NWD2: variants seen among roughly 807,000 people sequenced by gnomAD.
NWD2 encodes the protein NACHT and WD repeat domain-containing protein 2.
In NWD2, 37 loss-of-function variants were observed where a neutral mutation model predicts 132.7. The observed-to-expected ratio is 0.28, with a 90% CI of 0.21 to 0.37. NWD2 has a LOEUF of 0.37. Among genes scored for constraint, NWD2 ranks in the 10% least tolerant of loss-of-function variants. The pLI is 1.00. For synonymous variants in NWD2, 705 were observed against 803.0 expected (o/e 0.88, Z 2.06); for missense variants, 1,592 against 2,122.4 (o/e 0.75, Z 4.91).
At chr4:37,363,699 A>G (rs1399439680) in intron 3 of NWD2, among the ~76,000 whole-genome samples, 1 of 152,198 alleles carries the variant, frequency 6.6e-6, no homozygotes, top group Non-Finnish European at 1.5e-5. Flanking sequence ...GTTGAAAACT[A>G]TTGGGTACTA....
chr4:37,356,402 T>C lies in NWD2; in HGVS notation c.277T>C (p.Trp93Arg). ...DLYWGVEEDE[W>R]DSPELQKTRM... ...GTACTGGGGAGTGGAAGAAGATGAGTGGGACAGCCCAGAGCTCCAGAAGAC... is the reference window on the plus strand; with the variant it reads ...GTACTGGGGAGTGGAAGAAGATGAGCGGGACAGCCCAGAGCTCCAGAAGAC... The change falls in exon 3 of 7, where the codon TGG becomes CGG. Residue 93 changes from tryptophan (W) to arginine (R), a missense_variant. Physicochemically the swap from Trp to Arg is moderately radical, Grantham distance 101. Around this residue, in one of 7 missense-constraint regions of NWD2, gnomAD observed 144 missense variants for 185.7 expected, o/e 0.78. Transcript: ENST00000309447. 1 of 1,551,310 alleles carries C rather than the reference T, an allele frequency of 6.4e-7. No individual in the cohort carries two copies. Among genetic ancestry groups the C allele is most frequent in the Non-Finnish European group, 8.7e-7 (1 of 1,146,724 alleles).
chr4:37,245,191 C>A lies in NWD2; in HGVS notation c.124C>A (p.Arg42=). The change falls in exon 1 of 7, where the codon CGG becomes AGG. Residue 42 remains arginine (R), a synonymous_variant. Coordinates refer to ENST00000309447, the MANE Select transcript of NWD2 (RefSeq NM_001144990.2). Reference sequence around the variant, plus strand: ...CCTCGTGCCCGCCGGCCGCAGCGTCCGGGTCTTCATCAGCGCCAACCCTGA... The same window carrying A: ...CCTCGTGCCCGCCGGCCGCAGCGTCAGGGTCTTCATCAGCGCCAACCCTGA... ...SHLVPAGRSV[R]VFISANPEDT... 1 of 1,543,214 alleles carries A rather than the reference C, an allele frequency of 6.5e-7. No individual in the cohort carries two copies. The highest frequency in any genetic ancestry group is 1.2e-5 in the South Asian group (1 of 83,870).
chr4:37,413,717 A>G (rs1365251513), intron 3 of NWD2, among the ~76,000 whole-genome samples: 1 of 152,206 alleles, frequency 6.6e-6, no homozygotes, highest in East Asian at 1.9e-4. Flanking sequence ...ACTTGGAATC[A>G]ACCCAAATGT....
At chr4:37,345,355 A>G (rs1371838693) in intron 2 of NWD2, among the ~76,000 whole-genome samples, 1 of 152,202 alleles carries the variant, frequency 6.6e-6, no homozygotes, top group African/African-American at 2.4e-5. Context: ...TGAGGGTTCC[A>G]ATGTCTCCAC....
intron 3 of NWD2, among the ~76,000 whole-genome samples, chr4:37,423,847 G>A (rs1711900290): frequency 6.6e-6 from 1 of 152,166 alleles, no homozygotes; most frequent in Admixed American, 6.5e-5. Context: ...CTTGTGACAT[G>A]AGAAGCTTAA....
rs1020913345 is a variant in NWD2 at position 37,433,781 on chromosome 4, T to C, written c.562-95T>C. 6.6e-6 allele frequency: 6 copies of C among 915,374 alleles called. No individual in the cohort carries two copies. In the East Asian group the frequency reaches 1.6e-4, roughly 24 times the overall value. 56.7% of individuals were successfully genotyped at this position (915,374 alleles called of 1,614,324 possible). A position where few individuals can be genotyped will look rare whatever the true frequency, so the allele number is the denominator to read the frequency against. ...AAGCACCTATCATAGTATTGGCACATAGTAGGCCTTCAAATAATAGAAATT... is the reference window on the plus strand; with the variant it reads ...AAGCACCTATCATAGTATTGGCACACAGTAGGCCTTCAAATAATAGAAATT... On this transcript the variant is annotated intron_variant, in intron 4 of 6. Coordinates refer to ENST00000309447, the MANE Select transcript of NWD2 (RefSeq NM_001144990.2).
chr4:37,311,705 T>C (rs1220166412), intron 1 of NWD2, among the ~76,000 whole-genome samples: 1 of 148,846 alleles, frequency 6.7e-6, no homozygotes, highest in East Asian at 2.0e-4. Context: ...TCCTTGCCCA[T>C]GCCTATGTCC....
At chr4:37,299,940 A>G (rs2109276039) in intron 1 of NWD2, among the ~76,000 whole-genome samples, 1 of 152,250 alleles carries the variant, frequency 6.6e-6, no homozygotes, top group South Asian at 2.1e-4. Flanking sequence ...CTGATAGCCT[A>G]ATTATAATTT....
intron 5 of NWD2, 66 bp from the exon 6 acceptor site, chr4:37,438,735 A>G (rs1179751882): frequency 9.5e-7 from 1 of 1,055,340 alleles, no homozygotes; most frequent in Non-Finnish European, 1.4e-6. Flanking sequence ...AGTGTTGACT[A>G]TTGAGAATGT....
intron 3 of NWD2, among the ~76,000 whole-genome samples, chr4:37,364,092 C>G (rs922310981): frequency 6.6e-6 from 1 of 152,138 alleles, no homozygotes; most frequent in Non-Finnish European, 1.5e-5. Flanking sequence ...GAGCCAAGAT[C>G]ACACCACTGC....
chr4:37,253,007 C>G (rs567218026), intron 1 of NWD2, among the ~76,000 whole-genome samples: 17 of 151,522 alleles, frequency 1.1e-4, no homozygotes, highest in Admixed American at 2.6e-4. Context: ...CACAACCCCC[C>G]CCCCTTATGT....
intron 1 of NWD2, among the ~76,000 whole-genome samples, chr4:37,267,952 C>T (rs1717790828): frequency 6.6e-6 from 1 of 151,920 alleles, no homozygotes; most frequent in Admixed American, 6.6e-5. Context: ...ATTCCTCATA[C>T]ATTACCCACT....
intron 1 of NWD2, among the ~76,000 whole-genome samples, chr4:37,282,522 C>T (rs1292904511): frequency 6.6e-6 from 1 of 152,122 alleles, no homozygotes; most frequent in African/African-American, 2.4e-5. Flanking sequence ...AAATCAGATC[C>T]ATTGACCTTC....
chr4:37,265,489 A>G (rs1717731016), intron 1 of NWD2, among the ~76,000 whole-genome samples: 3 of 152,150 alleles, frequency 2.0e-5, no homozygotes, highest in South Asian at 4.1e-4. Context: ...GTCTGAAGTC[A>G]AAGTATTGAC....
rs572886318 is a variant in NWD2 at position 37,360,908 on chromosome 4, A to G, written c.357+4426A>G. 2.2e-4 allele frequency among the ~76,000 whole-genome samples: 33 copies of G among 152,292 alleles called. No individual in the cohort carries two copies. In the South Asian group the frequency reaches 2.5e-3, roughly 11 times the overall value. On this transcript the variant is annotated intron_variant, in intron 3 of 6. Transcript: ENST00000309447. ...GTTTGAGCATTGATCCTGGACCCTG[A>G]ATACAGGCCTGCCTCTTGGCAGAGT...
At chr4:37,412,617 A>G (rs1348567021) in intron 3 of NWD2, among the ~76,000 whole-genome samples, 2 of 151,688 alleles carry the variant, frequency 1.3e-5, no homozygotes, top group South Asian at 2.1e-4. Context: ...TCTTCACAGC[A>G]TTGCAAAAAA....
chr4:37,442,714 T>A lies in NWD2; in HGVS notation c.1297-571T>A, dbSNP rs147048971. Reference sequence around the variant, plus strand: ...ATGACCCTATAACACCATAAAATTATCTCTAAATCATAAAAGATTATATTC... The same window carrying A: ...ATGACCCTATAACACCATAAAATTAACTCTAAATCATAAAAGATTATATTC... On this transcript the variant is annotated intron_variant, in intron 6 of 6. Transcript: ENST00000309447. Among the ~76,000 whole-genome samples the A allele has an allele frequency of 2.2e-4, 34 of 152,288 alleles. No homozygotes were observed. The East Asian group carries it at 6.4e-3, about 28-fold the overall frequency.
chr4:37,369,248 TTC>T (rs1480968889), intron 3 of NWD2, among the ~76,000 whole-genome samples: 1 of 152,040 alleles, frequency 6.6e-6, no homozygotes, highest in Non-Finnish European at 1.5e-5. Context: ...GAATAATATT[TTC>T]TGTTTCTTAC....
chr4:37,335,151 T>C (rs1719374823), intron 2 of NWD2, among the ~76,000 whole-genome samples: 1 of 152,116 alleles, frequency 6.6e-6, no homozygotes, highest in African/African-American at 2.4e-5. Flanking sequence ...AGTTCTTTTT[T>C]ACCCCTGCCT....
Sources: gnomAD v4.1 joint callset for allele counts (sites outside exome capture counted in the v4.1 genomes callset) on GRCh38, gnomAD v4.1.1 for gene constraint, gnomAD v4.1.1 regional missense constraint, MANE v1.5 for transcripts, NCBI Gene and HGNC (gene_info 2026-07-23, HGNC 2026-07-21) for gene names.